Variants in IRAK2 observed in about 807,000 individuals in gnomAD.
IRAK2 encodes the protein interleukin 1 receptor associated kinase 2.
Under a neutral mutation model 72.0 loss-of-function variants are expected in IRAK2, and 57 were observed. The observed-to-expected ratio is 0.79, with a 90% CI of 0.64 to 0.99. The LOEUF (loss-of-function observed/expected upper bound fraction) is 0.99. IRAK2 is among the 50% of genes least tolerant of loss of function. The pLI, the probability that IRAK2 is intolerant of heterozygous loss-of-function variation, is 0.00. For missense variants in IRAK2, 790 were observed against 794.4 expected, an observed-to-expected ratio of 0.99 and a Z score of 0.07; for synonymous variants, 293 against 312.7, an observed-to-expected ratio of 0.94 and a Z score of 0.67.
intron 2 of IRAK2, among the ~76,000 whole-genome samples, chr3:10,186,730 T>C (rs1251784282): frequency 5.3e-5 from 8 of 151,446 alleles, no homozygotes; most frequent in Admixed American, 5.3e-4. Context: ...AGATGGGGAT[T>C]CTTGTTGACT....
Position 10,222,752 on chromosome 3 carries a change from C to T in IRAK2, c.1130C>T (p.Thr377Met), listed in dbSNP as rs548063415. 28 of 1,614,196 alleles carry T rather than the reference C, an allele frequency of 1.7e-5. No homozygotes were observed. The East Asian group carries it at 1.8e-4, about 10-fold the overall frequency. The change falls in exon 9 of 13, where the codon ACG (threonine) becomes ATG (methionine). Residue 377 changes from threonine to methionine, a missense_variant. Physicochemically the swap from Thr to Met is moderately conservative, Grantham distance 81. Transcript: ENST00000256458. ...ATGATGAAGACTCACCTGCTCCGGA[C>T]GTCAGCCGCGTATCTGCCAGAGGAT... ...YTMMKTHLLR[T>M]SAAYLPEDFI...
intron 3 of IRAK2, among the ~76,000 whole-genome samples, chr3:10,206,460 C>T (rs358849): frequency 0.44 from 66,421 of 152,094 alleles, 14,673 homozygotes; most frequent in Admixed American, 0.51. Context: ...TGACAGGCTC[C>T]AGACCTTGTC....
At chr3:10,166,459 C>G (rs1696690529) in intron 1 of IRAK2, among the ~76,000 whole-genome samples, 1 of 152,042 alleles carries the variant, frequency 6.6e-6, no homozygotes, top group African/African-American at 2.4e-5. Flanking sequence ...ATCTGCATTC[C>G]AGGCTCTTGC....
rs370395880 is a variant in IRAK2, at chr3:10,184,903, A to ATT, written c.277+6891_277+6892dup. Among the ~76,000 whole-genome samples, 34 of 123,598 alleles carry ATT rather than the reference A, an allele frequency of 2.8e-4. 1 individual carries two copies. Among genetic ancestry groups the ATT allele is most frequent in the Admixed American group, 6.5e-4 (9 of 13,836 alleles). 81.1% of individuals were successfully genotyped at this position (123,598 alleles called of 152,430 possible). A position where few individuals can be genotyped will look rare whatever the true frequency, so the allele number is the denominator to read the frequency against. On this transcript the variant is annotated intron_variant, in intron 2 of 12. Coordinates refer to ENST00000256458, the MANE Select transcript of IRAK2 (RefSeq NM_001570.4). ...CGCCACCATGCCCGGCTATTTTTTTATTTTTTTTTATTTTTAGTAGAGACG... is the reference window on the plus strand; with the variant it reads ...CGCCACCATGCCCGGCTATTTTTTTATTTTTTTTTTTATTTTTAGTAGAGACG...
In IRAK2 at chr3:10,189,982, G is replaced by A. The variant is rs80181815; in HGVS notation, c.278-10387G>A. Among the ~76,000 whole-genome samples, 728 of 152,072 alleles carry A rather than the reference G, an allele frequency of 4.8e-3. 25 individuals are homozygous for A. In the South Asian group the frequency reaches 0.084, roughly 18 times the overall value. ...CACCTGGGTTCTAGTAATAGCTTGTGTTTAGCACCTGATATGTGCCAGGTA... is the reference window on the plus strand; with the variant it reads ...CACCTGGGTTCTAGTAATAGCTTGTATTTAGCACCTGATATGTGCCAGGTA... On this transcript the variant is annotated intron_variant, in intron 2 of 12. Transcript: ENST00000256458.
At position 10,216,980 on chromosome 3, in the gene IRAK2, A is replaced by G; in HGVS notation, c.835A>G (p.Arg279Gly). 1 of 1,614,168 alleles carries G rather than the reference A, an allele frequency of 6.2e-7. No homozygotes were observed. Among genetic ancestry groups the G allele is most frequent in the South Asian group, 1.1e-5 (1 of 91,088 alleles). The change falls in exon 7 of 13, where the codon AGA (arginine) becomes GGA (glycine). Residue 279 changes from arginine (R) to glycine (G), a missense_variant. By Grantham distance (125) the Arg-to-Gly change is moderately radical. Transcript: ENST00000256458. ...VLPVLGFCAA[R>G]QFHSFIYPYM... ...ACCTGTGCTGGGCTTCTGTGCTGCAAGACAGTTTCACAGCTTCATCTACCC... is the reference window on the plus strand; with the variant it reads ...ACCTGTGCTGGGCTTCTGTGCTGCAGGACAGTTTCACAGCTTCATCTACCC...
intron 7 of IRAK2, 129 bp from the exon 8 acceptor site, chr3:10,219,551 C>A: frequency 1.5e-6 from 1 of 658,574 alleles, no homozygotes; most frequent in East Asian, 2.8e-5. Flanking sequence ...ATCTCCTGAA[C>A]TAGTGATCTG....
intron 9 of IRAK2, among the ~76,000 whole-genome samples, chr3:10,223,864 T>G (rs1697732023): frequency 6.6e-6 from 1 of 151,226 alleles, no homozygotes; most frequent in African/African-American, 2.4e-5. Flanking sequence ...CTGACCACAG[T>G]CTCCTGTCTG....
At chr3:10,220,213 G>T (rs1697667068) in intron 8 of IRAK2, among the ~76,000 whole-genome samples, 2 of 152,196 alleles carry the variant, frequency 1.3e-5, no homozygotes, top group Non-Finnish European at 2.9e-5. Flanking sequence ...AGCTGTTGGT[G>T]TTAGCATCTT....
At chr3:10,229,014 A>C (rs1352939626) in intron 10 of IRAK2, among the ~76,000 whole-genome samples, 1 of 150,942 alleles carries the variant, frequency 6.6e-6, no homozygotes, top group East Asian at 1.9e-4. Flanking sequence ...GCTCACTGCA[A>C]CCTCCACCCC....
At chr3:10,227,039 G>A (rs2125161957) in intron 10 of IRAK2, among the ~76,000 whole-genome samples, 1 of 151,896 alleles carries the variant, frequency 6.6e-6, no homozygotes, top group Middle Eastern at 3.5e-3. Context: ...AATTCATTAG[G>A]GATTTTCCTC....
rs1394658126 is a variant in IRAK2 at position 10,226,407 on chromosome 3, G to A, written c.1246G>A (p.Asp416Asn). Residue 416 changes from aspartate (D) to asparagine (N), a missense_variant, in exon 10 of 13, where the codon GAT becomes AAT. Asp to Asn is a conservative substitution (Grantham distance 23). Coordinates refer to ENST00000256458, the MANE Select transcript of IRAK2 (RefSeq NM_001570.4). ...AEVLTGIPAM[D>N]NNRSPVYLKD... is the part of the protein sequence containing the mutation. ...GGTCCTCACGGGCATCCCTGCAATGGATAACAACCGAAGCCCGGTTTACCT... is the reference window on the plus strand; with the variant it reads ...GGTCCTCACGGGCATCCCTGCAATGAATAACAACCGAAGCCCGGTTTACCT... 1.2e-6 allele frequency: 2 copies of A among 1,613,556 alleles called. No homozygotes were observed. Among genetic ancestry groups the A allele is most frequent in the Non-Finnish European group, 1.7e-6 (2 of 1,179,838 alleles).
intron 10 of IRAK2, among the ~76,000 whole-genome samples, chr3:10,234,213 C>A (rs1400316751): frequency 6.6e-6 from 1 of 152,072 alleles, no homozygotes; most frequent in Non-Finnish European, 1.5e-5. Context: ...CAACCGAGGC[C>A]TAGAAAAATT....
chr3:10,214,999 G>C (rs921300006), intron 6 of IRAK2, among the ~76,000 whole-genome samples: 1 of 150,942 alleles, frequency 6.6e-6, no homozygotes, highest in Non-Finnish European at 1.5e-5. Context: ...GAGGCTGATG[G>C]GAGGATCACT....
rs759031283 is a variant in IRAK2, at chr3:10,177,979, G to A, written c.236G>A (p.Cys79Tyr). ...GTCCAGCAACTTGTGGACCTCCTGTGCCGCCTGGAGCTCTACCGGGCTGCC... is the reference window on the plus strand; with the variant it reads ...GTCCAGCAACTTGTGGACCTCCTGTACCGCCTGGAGCTCTACCGGGCTGCC... Reference protein sequence around the residue: ...ATVQQLVDLLCRLELYRAAQI... With the variant: ...ATVQQLVDLLYRLELYRAAQI... Residue 79 changes from cysteine to tyrosine, a missense_variant, in exon 2 of 13, where the codon TGC (cysteine) becomes TAC (tyrosine). Coordinates refer to ENST00000256458, the MANE Select transcript of IRAK2 (RefSeq NM_001570.4). 5.6e-6 allele frequency: 9 copies of A among 1,613,288 alleles called. No homozygotes were observed. In the East Asian group the frequency reaches 1.6e-4, roughly 28 times the overall value.
intron 2 of IRAK2, among the ~76,000 whole-genome samples, chr3:10,186,651 GA>G (rs1295150175): frequency 1.3e-5 from 2 of 151,656 alleles, no homozygotes; most frequent in African/African-American, 4.9e-5. Context: ...GTGGAGCAGA[GA>G]TTAGATTATT....
At chr3:10,193,574 G>A (rs1250517431) in intron 2 of IRAK2, among the ~76,000 whole-genome samples, 2 of 152,196 alleles carry the variant, frequency 1.3e-5, no homozygotes, top group Non-Finnish European at 2.9e-5. Flanking sequence ...AGTGAGCTAT[G>A]GTTGCACCAG....
At chr3:10,178,081 G>A (rs563517687) in intron 2 of IRAK2, 61 bp downstream of exon 2, 29 of 1,337,826 alleles carry the variant, frequency 2.2e-5, no homozygotes, top group African/African-American at 1.3e-4. Flanking sequence ...GTTTCCATCC[G>A]TGTGAGTTGC....
intron 1 of IRAK2, among the ~76,000 whole-genome samples, chr3:10,168,168 C>T (rs1417526054): frequency 1.3e-5 from 2 of 151,904 alleles, no homozygotes; most frequent in Non-Finnish European, 2.9e-5. Flanking sequence ...TGAGGATGAC[C>T]ATTTCTCCAC....
Sources: gnomAD v4.1 joint callset for allele counts (sites outside exome capture counted in the v4.1 genomes callset) on GRCh38, gnomAD v4.1.1 for gene constraint, MANE v1.5 for transcripts, NCBI Gene and HGNC (gene_info 2026-07-23, HGNC 2026-07-21) for gene names.